The following ANK2 variants were observed in gnomAD, a reference collection of about 807,000 sequenced individuals.
The protein encoded by ANK2 is ankyrin-2.
A neutral mutation model predicts 360.5 loss-of-function variants in ANK2; 83 were observed. The observed-to-expected ratio is 0.23, with a 90% CI of 0.19 to 0.28. The LOEUF (loss-of-function observed/expected upper bound fraction) is 0.28, where lower values mean the gene tolerates loss of function less well. ANK2 is among the 10% of genes least tolerant of loss of function. The pLI is 1.00. For synonymous variants in ANK2, 1,740 were observed against 1,759.5 expected (o/e 0.99, Z 0.28); for missense variants, 4,201 against 4,795.7 (o/e 0.88, Z 3.66).
intron 23 of ANK2, 67 bp downstream of exon 23, chr4:113,302,906 T>A (rs375943053): frequency 7.5e-7 from 1 of 1,341,506 alleles, no homozygotes. Context: ...TTACCCTTTT[T>A]TTCAGAGACC....
chr4:113,051,161 T>TA (rs926011814), intron 1 of ANK2, among the ~76,000 whole-genome samples: 2 of 147,634 alleles, frequency 1.4e-5, no homozygotes, highest in African/African-American at 2.5e-5. Context: ...TTGAACAACA[T>TA]AAAAAAAGAA....
chr4:113,100,509 T>G (rs1035808580), intron 1 of ANK2, among the ~76,000 whole-genome samples: 1 of 152,112 alleles, frequency 6.6e-6, no homozygotes, highest in African/African-American at 2.4e-5. Context: ...CAACAGAAAC[T>G]GTCATTCATT....
At chr4:113,158,219 A>C (rs2097372253) in intron 1 of ANK2, among the ~76,000 whole-genome samples, 2 of 152,252 alleles carry the variant, frequency 1.3e-5, no homozygotes, top group African/African-American at 2.4e-5. Flanking sequence ...AAACTGAATA[A>C]ATACATATGA....
At chr4:112,724,544 GACAC>G in the ANK2 span, among the ~76,000 whole-genome samples, 2 of 115,926 alleles carry the variant, frequency 1.7e-5, no homozygotes, top group African/African-American at 6.8e-5. Flanking sequence ...CAAATATATA[GACAC>G]ACACACATAC....
chr4:113,183,963 A>T (rs1366115951), intron 2 of ANK2, among the ~76,000 whole-genome samples: 1 of 149,338 alleles, frequency 6.7e-6, no homozygotes, highest in Non-Finnish European at 1.5e-5. Flanking sequence ...AAAAGAGTTT[A>T]AAAGAGTGGT....
rs539921988 is a variant in ANK2, at chr4:112,930,691, A to G, written c.21+26177A>G. 2.5e-3 allele frequency among the ~76,000 whole-genome samples: 376 copies of G among 152,250 alleles called. 1 individual carries two copies. The highest frequency in any genetic ancestry group is 8.7e-3 in the African/African-American group (362 of 41,560). ...ATCATGAGGTCAGGAGTTCAAGACC[A>G]GCCTGGCCAACATGGTGAAACCCCG... On this transcript the variant is annotated intron_variant, in intron 2 of 30. Coordinates refer to the ANK2 transcript ENST00000503271.
At chr4:112,908,620 C>T (rs1470470045) in intron 2 of ANK2, among the ~76,000 whole-genome samples, 2 of 152,198 alleles carry the variant, frequency 1.3e-5, no homozygotes, top group African/African-American at 2.4e-5. Flanking sequence ...TTCCTCTCAA[C>T]CTTCCCTCTA....
At chr4:112,859,187 C>T (rs1463009359) in intron 1 of ANK2, among the ~76,000 whole-genome samples, 2 of 152,130 alleles carry the variant, frequency 1.3e-5, no homozygotes, top group Non-Finnish European at 2.9e-5. Context: ...ACCACAGCAT[C>T]CCCCCTAATG....
intron 37 of ANK2, 104 bp from the exon 38 acceptor site, chr4:113,352,941 C>T: frequency 1.5e-6 from 2 of 1,365,908 alleles, no homozygotes; most frequent in Non-Finnish European, 2.0e-6. Context: ...CTCCCACCAC[C>T]ACCACCACAG....
intron 1 of ANK2, among the ~76,000 whole-genome samples, chr4:113,129,816 A>G (rs1457018610): frequency 6.6e-6 from 1 of 152,162 alleles, no homozygotes; most frequent in East Asian, 1.9e-4. Flanking sequence ...TTTGAGTAAA[A>G]TAAACTTAAA....
chr4:113,124,407 G>C lies in ANK2; in HGVS notation c.85-50009G>C, dbSNP rs1190187704. Among the ~76,000 whole-genome samples, 3 of 152,164 alleles carry C rather than the reference G, an allele frequency of 2.0e-5. No individual in the cohort carries two copies. In the East Asian group the frequency reaches 5.8e-4, roughly 29 times the overall value. Reference sequence around the variant, plus strand: ...GAAGGAATAAGTAATTCATAGATGAGTTATCTCCCCTAATTCTTCAGATAT... The same window carrying C: ...GAAGGAATAAGTAATTCATAGATGACTTATCTCCCCTAATTCTTCAGATAT... On this transcript the variant is annotated intron_variant, in intron 1 of 45. Transcript: ENST00000357077.
chr4:113,228,809 C>T (rs984593954), intron 4 of ANK2, among the ~76,000 whole-genome samples: 1 of 152,164 alleles, frequency 6.6e-6, no homozygotes, highest in Non-Finnish European at 1.5e-5. Flanking sequence ...AAGAGGCCCG[C>T]TTGCAATATA....
At position 113,367,581 on chromosome 4, in the gene ANK2, A is replaced by C. The variant is rs2096583725; in HGVS notation, c.11048A>C (p.Gln3683Pro). Residue 3683 changes from glutamine to proline, a missense_variant, in exon 42 of 46, where the codon CAA (glutamine) becomes CCA (proline). By Grantham distance (76) the Gln-to-Pro change is moderately conservative. Transcript: ENST00000357077. ...CTGCCTTTAGGGTTCTCGGTACTTC[A>C]AGAGGAGTTATGCACTGCACAGCAC... Reference protein sequence around the residue: ...LDHSEGFSVLQEELCTAQHKQ... With the variant: ...LDHSEGFSVLPEELCTAQHKQ... 2 of 1,613,660 alleles carry C rather than the reference A, an allele frequency of 1.2e-6. No individual in the cohort carries two copies. Among genetic ancestry groups the C allele is most frequent in the Non-Finnish European group, 1.7e-6 (2 of 1,179,958 alleles).
At chr4:113,270,709 A>G (rs1449366988) in intron 14 of ANK2, among the ~76,000 whole-genome samples, 3 of 152,198 alleles carry the variant, frequency 2.0e-5, no homozygotes, top group Non-Finnish European at 4.4e-5. Flanking sequence ...GTCAATATGC[A>G]TACAAATTAC....
At position 113,039,621 on chromosome 4, in the gene ANK2, G is replaced by A. The variant is rs60099487; in HGVS notation, c.22-134795G>A. Among the ~76,000 whole-genome samples the A allele has an allele frequency of 3.4e-3, 512 of 151,874 alleles. 23 individuals are homozygous for A. In the East Asian group the frequency reaches 0.086, roughly 25 times the overall value. ...GGGGGCTCCTGAATTCATTTTAGCC[G>A]AAAGACACCCCACTAGAATATATTA... On this transcript the variant is annotated intron_variant, in intron 2 of 30. Transcript: ENST00000503271.
rs1442962015 is a variant in ANK2 at position 113,317,808 on chromosome 4, A to G, written c.2795A>G (p.Gln932Arg). 3 of 1,611,398 alleles carry G rather than the reference A, an allele frequency of 1.9e-6. No homozygotes were observed. The highest frequency in any genetic ancestry group is 1.3e-5 in the African/African-American group (1 of 74,866). ...MDDSVVIPSHQVSTLAKEAER... is the reference protein window; with the variant it reads ...MDDSVVIPSHRVSTLAKEAER... The stretch of plus-strand genomic sequence containing the variant: ...GACTCAGTTGTGATTCCCAGTCACC[A>G]GGTATGTGACATTTTGCCTTCATGT... The change falls in exon 25 of 46, where the codon CAG becomes CGG. Residue 932 changes from glutamine to arginine, a missense_variant and splice_region_variant. This residue lies in a region of ANK2 where 1,268 missense variants were observed against 1,650.8 expected (regional missense o/e 0.77). Transcript: ENST00000357077.
intron 1 of ANK2, among the ~76,000 whole-genome samples, chr4:113,061,404 T>C (rs533699154): frequency 3.3e-5 from 5 of 152,302 alleles, no homozygotes; most frequent in African/African-American, 9.6e-5. Context: ...AATGGATGAC[T>C]ATTTTTGGTA....
chr4:113,084,638 G>A (rs2083773837), intron 1 of ANK2, among the ~76,000 whole-genome samples: 2 of 152,136 alleles, frequency 1.3e-5, no homozygotes. Flanking sequence ...GGTAAAAGGG[G>A]AGAAACTATT....
intron 1 of ANK2, among the ~76,000 whole-genome samples, chr4:113,075,897 T>C (rs1430315890): frequency 6.6e-6 from 1 of 152,196 alleles, no homozygotes; most frequent in Non-Finnish European, 1.5e-5. Flanking sequence ...TACAAAATCA[T>C]CTGCTGTTCT....
Sources: allele counts gnomAD v4.1 joint callset (sites outside exome capture counted in the v4.1 genomes callset), GRCh38; gene constraint gnomAD v4.1.1; regional missense constraint gnomAD v4.1.1; transcripts MANE v1.5; gene names NCBI Gene and HGNC (gene_info 2026-07-23, HGNC 2026-07-21).